ADAMTS6: variants seen among roughly 807,000 people sequenced by gnomAD.
The protein encoded by ADAMTS6 is ADAM metallopeptidase with thrombospondin type 1 motif 6.
In ADAMTS6, 23 loss-of-function variants were observed where a neutral mutation model predicts 144.3. The ratio of observed to expected loss-of-function variants is 0.16; its 90% CI spans 0.11 to 0.23. The LOEUF (loss-of-function observed/expected upper bound fraction) is 0.23. Ranked by LOEUF, ADAMTS6 falls within the 10% of genes least tolerant of loss-of-function variation. ADAMTS6 has a pLI of 1.00. For synonymous variants in ADAMTS6, 444 were observed against 457.5 expected (o/e 0.97, Z 0.38); for missense variants, 999 against 1,379.6 (o/e 0.72, Z 4.37).
intron 15 of ADAMTS6, among the ~76,000 whole-genome samples, chr5:65,236,050 A>T (rs934200946): frequency 5.3e-5 from 8 of 152,208 alleles, no homozygotes; most frequent in Admixed American, 1.3e-4. Flanking sequence ...AAAAGATTCA[A>T]ATACATGAAG....
At chr5:65,224,178 G>A in intron 18 of ADAMTS6, 142 bp downstream of exon 18, 1 of 667,740 alleles carries the variant, frequency 1.5e-6, no homozygotes, top group Non-Finnish European at 2.6e-6. Context: ...TTGTATATGT[G>A]TTCTATAAAA....
intron 7 of ADAMTS6, among the ~76,000 whole-genome samples, chr5:65,355,111 C>T (rs1749198675): frequency 6.6e-6 from 1 of 151,662 alleles, no homozygotes; most frequent in South Asian, 2.1e-4. Flanking sequence ...CCCTGAAGTA[C>T]TCTTGTTGTT....
At chr5:65,269,305 T>G (rs564790717) in intron 12 of ADAMTS6, among the ~76,000 whole-genome samples, 1 of 152,318 alleles carries the variant, frequency 6.6e-6, no homozygotes, top group African/African-American at 2.4e-5. Flanking sequence ...TGTCTCCCAT[T>G]TTAGAGATTC....
chr5:65,348,955 AC>A (rs1748601585), intron 7 of ADAMTS6, among the ~76,000 whole-genome samples: 1 of 151,060 alleles, frequency 6.6e-6, no homozygotes, highest in Admixed American at 6.6e-5. Context: ...TAATATGAAG[AC>A]GGTTTATACA....
chr5:65,408,591 A>G (rs1294925950), intron 7 of ADAMTS6, among the ~76,000 whole-genome samples: 4 of 152,184 alleles, frequency 2.6e-5, no homozygotes, highest in Admixed American at 6.5e-5. Flanking sequence ...ACAGATCAAC[A>G]AGACAGAAAG....
intron 9 of ADAMTS6, among the ~76,000 whole-genome samples, chr5:65,302,055 A>G (rs1183366502): frequency 6.8e-6 from 1 of 147,080 alleles, no homozygotes; most frequent in African/African-American, 2.5e-5. Context: ...CCATACCACT[A>G]TACTATAGCT....
intron 4 of ADAMTS6, among the ~76,000 whole-genome samples, chr5:65,455,032 A>G (rs1376694299): frequency 6.6e-6 from 1 of 152,230 alleles, no homozygotes. Flanking sequence ...TCTCCTGCTC[A>G]ATCCTCTGTG....
intron 11 of ADAMTS6, among the ~76,000 whole-genome samples, chr5:65,275,416 A>AAAG (rs1491241170): frequency 2.6e-4 from 35 of 137,050 alleles, no homozygotes; most frequent in Admixed American, 6.6e-4. Context: ...AGAAAGAAAG[A>AAAG]AAAGAAAGAA....
At chr5:65,417,239 A>G (rs1161322425) in intron 7 of ADAMTS6, among the ~76,000 whole-genome samples, 1 of 152,234 alleles carries the variant, frequency 6.6e-6, no homozygotes, top group African/African-American at 2.4e-5. Context: ...CAAAATAATA[A>G]GAGCCATCTA....
At chr5:65,414,538 A>C (rs1755339546) in intron 7 of ADAMTS6, among the ~76,000 whole-genome samples, 1 of 152,192 alleles carries the variant, frequency 6.6e-6, no homozygotes, top group African/African-American at 2.4e-5. Flanking sequence ...AAACAGCTAT[A>C]ATATTAGATG....
intron 8 of ADAMTS6, among the ~76,000 whole-genome samples, chr5:65,332,929 C>A (rs1040411432): frequency 6.6e-6 from 1 of 152,090 alleles, no homozygotes; most frequent in Non-Finnish European, 1.5e-5. Flanking sequence ...TCTTCTTCAG[C>A]CATAAATCCT....
At chr5:65,171,988 A>G (rs2112079474) in intron 23 of ADAMTS6, among the ~76,000 whole-genome samples, 1 of 151,726 alleles carries the variant, frequency 6.6e-6, no homozygotes. Context: ...AGGCATGAGG[A>G]AGTAACTGGT....
intron 22 of ADAMTS6, among the ~76,000 whole-genome samples, chr5:65,182,777 C>T (rs1037257066): frequency 3.3e-5 from 5 of 152,114 alleles, no homozygotes; most frequent in African/African-American, 1.2e-4. Flanking sequence ...AAAAATTACA[C>T]CTCAAAATTC....
chr5:65,205,776 C>G (rs1311156837), intron 20 of ADAMTS6, among the ~76,000 whole-genome samples: 2 of 152,126 alleles, frequency 1.3e-5, no homozygotes, highest in African/African-American at 4.8e-5. Context: ...AGCAATTTCT[C>G]CTTTAAATAT....
intron 12 of ADAMTS6, among the ~76,000 whole-genome samples, chr5:65,271,373 G>A (rs1270862720): frequency 1.1e-4 from 10 of 88,840 alleles, no homozygotes; most frequent in African/African-American, 4.2e-4. Flanking sequence ...GCTATACTCC[G>A]TCTAAAAAAA....
chr5:65,399,934 C>T (rs948429201), intron 7 of ADAMTS6, among the ~76,000 whole-genome samples: 1 of 152,100 alleles, frequency 6.6e-6, no homozygotes, highest in African/African-American at 2.4e-5. Flanking sequence ...TCTTGCAAGG[C>T]AGATCTATTG....
At chr5:65,329,606 A>AGG in intron 8 of ADAMTS6, 123 bp from the exon 9 acceptor site, 1 of 752,982 alleles carries the variant, frequency 1.3e-6, no homozygotes, top group East Asian at 3.1e-5. Flanking sequence ...CGTTGGCAAA[A>AGG]GGTTAACTTT....
At chr5:65,468,436 CAAA>C (rs60362335) in intron 3 of ADAMTS6, among the ~76,000 whole-genome samples, 7 of 70,360 alleles carry the variant, frequency 9.9e-5, no homozygotes, top group Admixed American at 2.9e-4. Context: ...GACCCTGTCT[CAAA>C]AAAAAAAAAA....
intron 20 of ADAMTS6, among the ~76,000 whole-genome samples, chr5:65,197,657 C>T (rs1332131855): frequency 5.9e-5 from 9 of 151,918 alleles, no homozygotes; most frequent in Admixed American, 4.6e-4. Flanking sequence ...TTTTTTCTTC[C>T]GTTTATATAT....
Sources: allele counts gnomAD v4.1 joint callset (sites outside exome capture counted in the v4.1 genomes callset), GRCh38; gene constraint gnomAD v4.1.1; transcripts MANE v1.5; gene names NCBI Gene and HGNC (gene_info 2026-07-23, HGNC 2026-07-21).